NCOA6: variants seen among roughly 807,000 people sequenced by gnomAD.
NCOA6 encodes the protein nuclear receptor coactivator 6.
In NCOA6, 49 loss-of-function variants were observed where a neutral mutation model predicts 171.4. The ratio of observed to expected loss-of-function variants is 0.29; its 90% CI spans 0.23 to 0.36. The LOEUF is 0.36. Among genes scored for constraint, NCOA6 ranks in the 10% least tolerant of loss-of-function variants. The pLI, the probability that NCOA6 is intolerant of heterozygous loss-of-function variation, is 1.00. For synonymous variants in NCOA6, 910 were observed against 927.5 expected (o/e 0.98, Z 0.34); for missense variants, 2,248 against 2,554.5 (o/e 0.88, Z 2.59).
intron 1 of NCOA6, among the ~76,000 whole-genome samples, chr20:34,816,682 G>C (rs889011870): frequency 1.3e-5 from 2 of 151,972 alleles, no homozygotes; most frequent in East Asian, 3.9e-4. Flanking sequence ...TTACAGGTAT[G>C]AGCCAGCTAT....
intron 8 of NCOA6, among the ~76,000 whole-genome samples, chr20:34,754,187 G>A (rs1274027692): frequency 1.3e-5 from 2 of 152,188 alleles, no homozygotes; most frequent in African/African-American, 4.8e-5. Flanking sequence ...GATTTAAAAA[G>A]TTGCAGTTGT....
At position 34,741,790 on chromosome 20, in the gene NCOA6, G is replaced by A; in HGVS notation, c.4466C>T (p.Thr1489Ile). The change falls in exon 11 of 15, where the codon ACA becomes ATA. Residue 1489 changes from threonine to isoleucine, a missense_variant. Thr to Ile is a moderately conservative substitution (Grantham distance 89). This residue lies in a region of NCOA6 where 884 missense variants were observed against 941.9 expected (regional missense o/e 0.94). Transcript: ENST00000359003. ...LVSPAMREAP[T>I]SLSQLLDNSG... ...GTTGTCAAGAAGTTGACTTAACGAT[G>A]TTGGTGCTTCCCTCATAGCAGGAGA... 2 of 1,614,192 alleles carry A rather than the reference G, an allele frequency of 1.2e-6. No individual in the cohort carries two copies. The highest frequency in any genetic ancestry group is 1.7e-6 in the Non-Finnish European group (2 of 1,180,036).
intron 13 of NCOA6, among the ~76,000 whole-genome samples, chr20:34,731,666 A>G (rs1359272698): frequency 6.6e-6 from 1 of 152,224 alleles, no homozygotes; most frequent in African/African-American, 2.4e-5. Flanking sequence ...AAATATTGTG[A>G]AAGTGTCTTA....
At chr20:34,733,247 T>C (rs1384754376) in intron 12 of NCOA6, among the ~76,000 whole-genome samples, 4 of 152,220 alleles carry the variant, frequency 2.6e-5, no homozygotes, top group Non-Finnish European at 5.9e-5. Context: ...GCTTTCTCTA[T>C]TATGTGCCTT....
chr20:34,761,095 G>A (rs146211839), intron 5 of NCOA6, among the ~76,000 whole-genome samples: 78 of 152,136 alleles, frequency 5.1e-4, no homozygotes, highest in Non-Finnish European at 9.7e-4. Flanking sequence ...GGTGGTGGGC[G>A]CCTGTAATCC....
At chr20:34,768,382 C>T in intron 5 of NCOA6, 82 bp downstream of exon 5, 1 of 1,541,394 alleles carries the variant, frequency 6.5e-7, no homozygotes, top group Non-Finnish European at 8.8e-7. Flanking sequence ...TGAACCCCCA[C>T]CTATCTTGCA....
rs548972929 is a variant in NCOA6, at chr20:34,776,159, G to A, written c.391+134C>T. 5.9e-6 allele frequency: 7 copies of A among 1,181,686 alleles called. No individual in the cohort carries two copies. In the East Asian group the frequency reaches 1.7e-4, roughly 29 times the overall value. 73.2% of individuals were successfully genotyped at this position (1,181,686 alleles called of 1,614,324 possible). A position where few individuals can be genotyped will look rare whatever the true frequency, so the allele number is the denominator to read the frequency against. On this transcript the variant is annotated intron_variant, in intron 4 of 14. Coordinates refer to ENST00000359003, the MANE Select transcript of NCOA6 (RefSeq NM_014071.5). ...TCATCCTAAGGTGCTGCAAAGCAAA[G>A]TACAAGTTACATGAGTTGCTTGGCA...
chr20:34,803,461 G>C (rs1330179960), intron 1 of NCOA6, among the ~76,000 whole-genome samples: 4 of 145,310 alleles, frequency 2.8e-5, no homozygotes, highest in African/African-American at 7.7e-5. Flanking sequence ...AGCAAGACTT[G>C]GTCTAAAAAA....
At chr20:34,738,211 A>G (rs74679766) in intron 11 of NCOA6, among the ~76,000 whole-genome samples, 3 of 152,312 alleles carry the variant, frequency 2.0e-5, no homozygotes, top group East Asian at 1.9e-4. Flanking sequence ...CCAATTTCTC[A>G]TATTTTCAAA....
intron 5 of NCOA6, among the ~76,000 whole-genome samples, chr20:34,765,838 G>T (rs1364848258): frequency 1.3e-5 from 2 of 152,056 alleles, no homozygotes; most frequent in African/African-American, 2.4e-5. Flanking sequence ...CACAAATCTT[G>T]GAATTCTATA....
chr20:34,796,500 T>C (rs949411044), intron 1 of NCOA6, among the ~76,000 whole-genome samples: 1 of 151,958 alleles, frequency 6.6e-6, no homozygotes, highest in Non-Finnish European at 1.5e-5. Flanking sequence ...TGTGTGCCTG[T>C]AGTCCCAGCT....
At chr20:34,810,528 C>T (rs181645064) in intron 1 of NCOA6, among the ~76,000 whole-genome samples, 25 of 151,902 alleles carry the variant, frequency 1.6e-4, no homozygotes, top group Non-Finnish European at 2.6e-4. Context: ...TAAAGCCTAA[C>T]GCCCATGCAA....
chr20:34,743,083 C>T lies in NCOA6; in HGVS notation c.3173G>A (p.Arg1058Lys), dbSNP rs1168494400. ...CTGGGAGTCGGGGTTCAGGGGGCCC[C>T]TTGGAGGATGGACATTTTGAGAGAC... ...LPVSQNVHPP[R>K]GPLNPDSQRM... The change falls in exon 11 of 15, where the codon AGG becomes AAG. Residue 1058 changes from arginine (R) to lysine (K), a missense_variant. Arg to Lys is a conservative substitution (Grantham distance 26). Transcript: ENST00000359003. The T allele has an allele frequency of 1.2e-6, 2 of 1,613,476 alleles. No homozygotes were observed. The highest frequency in any genetic ancestry group is 1.7e-5 in the Admixed American group (1 of 60,008).
At chr20:34,736,995 T>C (rs924011154) in intron 11 of NCOA6, among the ~76,000 whole-genome samples, 2 of 152,168 alleles carry the variant, frequency 1.3e-5, no homozygotes, top group African/African-American at 2.4e-5. Context: ...TTTGTATGTA[T>C]AATAATAAGG....
At position 34,729,171 on chromosome 20, in the gene NCOA6, G is replaced by A. The variant is rs1412087118; in HGVS notation, c.6000-1764C>T. ...TCACCATGTTGGCCAGGCTGGTCTC[G>A]AACTCCTGACCTCAAATGATCCACC... On this transcript the variant is annotated intron_variant, in intron 13 of 14. Coordinates refer to ENST00000359003, the MANE Select transcript of NCOA6 (RefSeq NM_014071.5). 2.6e-5 allele frequency among the ~76,000 whole-genome samples: 4 copies of A among 152,098 alleles called. No homozygotes were observed. In the East Asian group the frequency reaches 5.8e-4, roughly 22 times the overall value.
intron 1 of NCOA6, among the ~76,000 whole-genome samples, chr20:34,795,791 G>A (rs2146381510): frequency 6.6e-6 from 1 of 152,230 alleles, no homozygotes; most frequent in South Asian, 2.1e-4. Flanking sequence ...ATTTTCTTGG[G>A]TGTGGTAATG....
chr20:34,758,674 T>A, intron 6 of NCOA6, 131 bp downstream of exon 6: 1 of 1,206,526 alleles, frequency 8.3e-7, no homozygotes, highest in Non-Finnish European at 1.2e-6. Context: ...AGAAATCAGG[T>A]CAGATTTTGT....
At chr20:34,735,310 C>A (rs1423348756) in intron 12 of NCOA6, among the ~76,000 whole-genome samples, 2 of 152,142 alleles carry the variant, frequency 1.3e-5, no homozygotes, top group East Asian at 3.9e-4. Context: ...ATATCCAACA[C>A]AATGTCAGGT....
chr20:34,751,629 C>T (rs1405318956), intron 8 of NCOA6, among the ~76,000 whole-genome samples: 1 of 151,948 alleles, frequency 6.6e-6, no homozygotes, highest in South Asian at 2.1e-4. Context: ...GACTAGATGA[C>T]CCATCTGGAA....
Sources: gnomAD v4.1 joint callset for allele counts (sites outside exome capture counted in the v4.1 genomes callset) on GRCh38, gnomAD v4.1.1 for gene constraint, gnomAD v4.1.1 regional missense constraint, MANE v1.5 for transcripts, NCBI Gene and HGNC (gene_info 2026-07-23, HGNC 2026-07-21) for gene names.